Variants in SYBU observed in about 807,000 individuals in gnomAD.
The protein encoded by SYBU is GOLSYN A protein.
In SYBU, 21 loss-of-function variants were observed where a neutral mutation model predicts 35.9. The observed-to-expected ratio is 0.58, with a 90% CI of 0.41 to 0.84. SYBU has a LOEUF of 0.84. Ranked by LOEUF, SYBU falls within the 40% of genes least tolerant of loss-of-function variation. The pLI is 0.00. For synonymous variants in SYBU, 319 were observed against 324.3 expected, an observed-to-expected ratio of 0.98 and a Z score of 0.18; for missense variants, 768 against 848.2, an observed-to-expected ratio of 0.91 and a Z score of 1.17.
chr8:109,641,555 C>G (rs987668810), intron 2 of SYBU, among the ~76,000 whole-genome samples: 2 of 152,226 alleles, frequency 1.3e-5, no homozygotes, highest in African/African-American at 4.8e-5. Flanking sequence ...TCAGGCTTGA[C>G]AGATCACAAA....
At chr8:109,618,446 C>A (rs926287282) in intron 3 of SYBU, among the ~76,000 whole-genome samples, 4 of 152,222 alleles carry the variant, frequency 2.6e-5, no homozygotes, top group African/African-American at 9.6e-5. Flanking sequence ...CCCAGCTCTA[C>A]AGAGATTTGC....
At position 109,579,904 on chromosome 8, in the gene SYBU, C is replaced by T. The variant is rs2131216243; in HGVS notation, c.629G>A (p.Arg210Lys). The change falls in exon 5 of 7, where the codon AGG becomes AAG. Residue 210 changes from arginine to lysine, a missense_variant. Transcript: ENST00000276646. Reference protein sequence around the residue: ...REKDLLSMLCRNQLSPVNIHP... With the variant: ...REKDLLSMLCKNQLSPVNIHP... ...GATATTGACAGGGCTCAGCTGATTC[C>T]TGCACAGCATGGACAGAAGGTCCTT... is the stretch of plus-strand genomic sequence containing the variant. 6.2e-7 allele frequency: 1 copy of T among 1,614,028 alleles called. No individual in the cohort carries two copies. Among genetic ancestry groups the T allele is most frequent in the East Asian group, 2.2e-5 (1 of 44,848 alleles).
At chr8:109,615,186 G>A (rs1362709062) in intron 3 of SYBU, among the ~76,000 whole-genome samples, 3 of 152,088 alleles carry the variant, frequency 2.0e-5, no homozygotes, top group South Asian at 4.1e-4. Flanking sequence ...CTGAGCCTCC[G>A]TATAAGAGCC....
At chr8:109,608,856 A>G (rs1405319911) in intron 3 of SYBU, among the ~76,000 whole-genome samples, 2 of 152,212 alleles carry the variant, frequency 1.3e-5, no homozygotes, top group African/African-American at 4.8e-5. Context: ...GTCAAATGCC[A>G]ACACCGATTT....
At chr8:109,644,346 C>T in intron 1 of SYBU, 1 of 605,166 alleles carries the variant, frequency 1.7e-6, no homozygotes, top group South Asian at 1.8e-5. Flanking sequence ...TCACATCACA[C>T]ACACAGGATA....
intron 2 of SYBU, among the ~76,000 whole-genome samples, chr8:109,623,633 T>G (rs1267204665): frequency 1.3e-5 from 2 of 152,316 alleles, no homozygotes; most frequent in Non-Finnish European, 2.9e-5. Context: ...ATTTCCTCTC[T>G]CTTTACATTA....
chr8:109,629,019 A>G (rs1490342649), intron 2 of SYBU, among the ~76,000 whole-genome samples: 1 of 152,196 alleles, frequency 6.6e-6, no homozygotes, highest in Non-Finnish European at 1.5e-5. Flanking sequence ...AAAGAATTCC[A>G]GATACAGAGA....
intron 3 of SYBU, among the ~76,000 whole-genome samples, chr8:109,611,994 T>C (rs569912593): frequency 6.6e-6 from 1 of 152,320 alleles, no homozygotes; most frequent in East Asian, 1.9e-4. Flanking sequence ...CAACACGTCT[T>C]TCTTAATTTT....
upstream of SYBU, among the ~76,000 whole-genome samples, chr8:109,682,170 A>G (rs1385964288): frequency 6.6e-6 from 1 of 152,210 alleles, no homozygotes; most frequent in Non-Finnish European, 1.5e-5. Flanking sequence ...AGGATACCTG[A>G]AAATGTGAAA....
At chr8:109,665,960 G>C (rs1816737917) in intron 1 of SYBU, among the ~76,000 whole-genome samples, 1 of 152,180 alleles carries the variant, frequency 6.6e-6, no homozygotes, top group Non-Finnish European at 1.5e-5. Flanking sequence ...GGAGAAACTA[G>C]ATGCCTGCTG....
chr8:109,663,469 TAGTC>T (rs1175165595), intron 1 of SYBU, among the ~76,000 whole-genome samples: 2 of 152,186 alleles, frequency 1.3e-5, no homozygotes, highest in African/African-American at 4.8e-5. Flanking sequence ...CAATTTTGGT[TAGTC>T]AGTGCAGTGT....
chr8:109,662,103 T>C (rs191702742), intron 1 of SYBU, among the ~76,000 whole-genome samples: 66 of 152,316 alleles, frequency 4.3e-4, no homozygotes, highest in African/African-American at 1.5e-3. Flanking sequence ...CCATTATTCC[T>C]TTAGGAAGTG....
chr8:109,604,765 G>A (rs1892759), intron 3 of SYBU, among the ~76,000 whole-genome samples: 58,654 of 152,032 alleles, frequency 0.39, 13,513 homozygotes, highest in African/African-American at 0.64. Flanking sequence ...CGTGGCTTGG[G>A]TCTTTCACTT....
At chr8:109,629,417 T>C (rs1043416675) in intron 2 of SYBU, among the ~76,000 whole-genome samples, 9 of 152,212 alleles carry the variant, frequency 5.9e-5, no homozygotes, top group African/African-American at 1.9e-4. Context: ...ACTGTTGTCA[T>C]CCTGATTGGC....
chr8:109,629,545 C>T (rs1813359661), intron 2 of SYBU, among the ~76,000 whole-genome samples: 1 of 151,286 alleles, frequency 6.6e-6, no homozygotes, highest in Non-Finnish European at 1.5e-5. Flanking sequence ...TTGTTAACCA[C>T]TATGTTGCAT....
At chr8:109,576,384 G>A (rs1326408615) in intron 6 of SYBU, among the ~76,000 whole-genome samples, 2 of 152,164 alleles carry the variant, frequency 1.3e-5, no homozygotes, top group African/African-American at 2.4e-5. Context: ...TGTGTTACAA[G>A]TCTTATCTTC....
At chr8:109,618,256 T>C (rs1158966820) in intron 3 of SYBU, among the ~76,000 whole-genome samples, 1 of 152,252 alleles carries the variant, frequency 6.6e-6, no homozygotes, top group Non-Finnish European at 1.5e-5. Context: ...CCTTTTCTGA[T>C]GCTGCTGGCA....
At chr8:109,586,267 T>C (rs1823612031) in intron 3 of SYBU, 105 bp from the exon 4 acceptor site, 1 of 786,952 alleles carries the variant, frequency 1.3e-6, no homozygotes, top group South Asian at 1.7e-5. Context: ...TTGCACACTA[T>C]TGGCAAGTGC....
At chr8:109,651,163 G>A (rs142315607) in intron 1 of SYBU, among the ~76,000 whole-genome samples, 3 of 152,310 alleles carry the variant, frequency 2.0e-5, no homozygotes, top group Admixed American at 6.5e-5. Flanking sequence ...TAGATATCTG[G>A]TCCTGGTGGA....
Sources: gnomAD v4.1 joint callset for allele counts (sites outside exome capture counted in the v4.1 genomes callset) on GRCh38, gnomAD v4.1.1 for gene constraint, MANE v1.5 for transcripts, NCBI Gene and HGNC (gene_info 2026-07-23, HGNC 2026-07-21) for gene names.